The following KALRN variants were observed in gnomAD, a reference collection of about 807,000 sequenced individuals.
The protein encoded by KALRN is kalirin.
Under a neutral mutation model 353.7 loss-of-function variants are expected in KALRN, and 70 were observed. The ratio of observed to expected loss-of-function variants is 0.20; its 90% CI spans 0.16 to 0.24. The LOEUF is 0.24. KALRN is among the 10% of genes least tolerant of loss of function. The pLI is 1.00. For synonymous variants in KALRN, 1,391 were observed against 1,434.8 expected (o/e 0.97, Z 0.69); for missense variants, 2,791 against 3,756.7 (o/e 0.74, Z 6.72).
intron 33 of KALRN, among the ~76,000 whole-genome samples, chr3:124,508,700 G>A (rs6798272): frequency 0.37 from 56,820 of 151,982 alleles, 10,875 homozygotes; most frequent in South Asian, 0.48. Flanking sequence ...TAGGATGTGT[G>A]TGTATATTTT....
intron 1 of KALRN, among the ~76,000 whole-genome samples, chr3:124,140,231 G>A (rs188330040): frequency 3.2e-4 from 49 of 152,262 alleles, no homozygotes; most frequent in Non-Finnish European, 5.9e-5. Flanking sequence ...GCTCCCCCAG[G>A]CATCTGATAA....
intron 1 of KALRN, among the ~76,000 whole-genome samples, chr3:124,202,260 T>C (rs561398213): frequency 6.6e-6 from 1 of 152,308 alleles, no homozygotes; most frequent in East Asian, 1.9e-4. Flanking sequence ...TTGTTTGTTT[T>C]GTTTTTTTGA....
chr3:124,247,977 A>G (rs1397262501), intron 3 of KALRN, among the ~76,000 whole-genome samples: 3 of 152,230 alleles, frequency 2.0e-5, no homozygotes, highest in East Asian at 3.8e-4. Flanking sequence ...TTTGTTCTCA[A>G]AAGTCCAGCA....
intron 3 of KALRN, among the ~76,000 whole-genome samples, chr3:124,254,953 T>TA (rs71625751): frequency 0.38 from 52,402 of 137,740 alleles, 10,346 homozygotes; most frequent in East Asian, 0.68. Flanking sequence ...TATATATATA[T>TA]TTTTTTTTTG....
At chr3:124,247,679 A>G (rs2070506277) in intron 3 of KALRN, among the ~76,000 whole-genome samples, 2 of 152,212 alleles carry the variant, frequency 1.3e-5, no homozygotes, top group African/African-American at 4.8e-5. Flanking sequence ...TTCATCAGCC[A>G]CAAACATTGA....
chr3:124,300,886 T>C (rs2077213949), intron 6 of KALRN, among the ~76,000 whole-genome samples: 1 of 152,230 alleles, frequency 6.6e-6, no homozygotes, highest in African/African-American at 2.4e-5. Context: ...TGGTCTCCTG[T>C]AGATATTTCT....
At chr3:124,136,997 T>TTC (rs2066002483) in intron 1 of KALRN, among the ~76,000 whole-genome samples, 1 of 152,052 alleles carries the variant, frequency 6.6e-6, no homozygotes, top group Non-Finnish European at 1.5e-5. Flanking sequence ...GCAGAGCAGC[T>TTC]GTGAGAGTTT....
intron 10 of KALRN, among the ~76,000 whole-genome samples, chr3:124,377,080 G>T (rs79280076): frequency 0.015 from 2,323 of 152,248 alleles, 37 homozygotes; most frequent in African/African-American, 0.043. Flanking sequence ...AAAAGTACTG[G>T]AAGTTATAGT....
At chr3:124,111,766 C>G (rs930679135) in intron 1 of KALRN, among the ~76,000 whole-genome samples, 2 of 151,974 alleles carry the variant, frequency 1.3e-5, no homozygotes, top group Non-Finnish European at 2.9e-5. Context: ...TTGGGATACT[C>G]TGTGTTCAAA....
intron 34 of KALRN, among the ~76,000 whole-genome samples, chr3:124,587,352 G>T (rs2075302152): frequency 6.6e-6 from 1 of 152,234 alleles, no homozygotes; most frequent in Non-Finnish European, 1.5e-5. Context: ...GGTTCCCAAG[G>T]CAAGGGGACT....
chr3:124,701,566 T>G (rs2062342085), intron 56 of KALRN, among the ~76,000 whole-genome samples: 1 of 151,956 alleles, frequency 6.6e-6, no homozygotes, highest in Non-Finnish European at 1.5e-5. Context: ...TTTTGATTTT[T>G]TTGTAGAGAC....
intron 1 of KALRN, among the ~76,000 whole-genome samples, chr3:124,053,055 G>T (rs773408855): frequency 2.6e-5 from 4 of 152,172 alleles, no homozygotes; most frequent in Non-Finnish European, 4.4e-5. Context: ...TATTTTTAAA[G>T]ATATGGGGTC....
chr3:124,712,180 G>C (rs2062922242), intron 57 of KALRN, among the ~76,000 whole-genome samples: 1 of 152,076 alleles, frequency 6.6e-6, no homozygotes. Flanking sequence ...AACACCACCT[G>C]TTCCCCAAAA....
chr3:124,162,795 G>A (rs2070187408), intron 1 of KALRN: 1 of 152,186 alleles, frequency 6.6e-6, no homozygotes, highest in Non-Finnish European at 1.5e-5. Context: ...ACTTCTAAAT[G>A]CCATCTAACG....
intron 3 of KALRN, among the ~76,000 whole-genome samples, chr3:124,253,050 C>T (rs900887497): frequency 3.3e-5 from 5 of 152,218 alleles, no homozygotes; most frequent in African/African-American, 9.6e-5. Flanking sequence ...GTCTTTAACA[C>T]TTTTCTTTAA....
Position 124,725,761 on chromosome 3 carries a change from T to A in KALRN, c.*6291T>A, listed in dbSNP as rs1166622313. Reference sequence around the variant, plus strand: ...CTTATAACTATCTTTACATTTGAACTATTAATAGTTGATTTGCAAACTGTA... The same window carrying A: ...CTTATAACTATCTTTACATTTGAACAATTAATAGTTGATTTGCAAACTGTA... On this transcript the variant is annotated 3_prime_UTR_variant, in exon 60 of 60. Coordinates refer to ENST00000682506, the MANE Select transcript of KALRN (RefSeq NM_001388419.1). The A allele has an allele frequency of 6.6e-6, 1 of 152,234 alleles. No homozygotes were observed. The highest frequency in any genetic ancestry group is 6.5e-5 in the Admixed American group (1 of 15,286). 9.4% of individuals were successfully genotyped at this position (152,234 alleles called of 1,614,324 possible).
At chr3:124,350,664 C>G (rs1198645850) in intron 10 of KALRN, among the ~76,000 whole-genome samples, 1 of 152,170 alleles carries the variant, frequency 6.6e-6, no homozygotes, top group African/African-American at 2.4e-5. Context: ...TATTGACATC[C>G]ATTACAACTT....
intron 34 of KALRN, among the ~76,000 whole-genome samples, chr3:124,589,621 A>G (rs2075570776): frequency 6.6e-6 from 1 of 152,198 alleles, no homozygotes; most frequent in Non-Finnish European, 1.5e-5. Context: ...AAAATTCACC[A>G]TCCAGGGGAT....
At chr3:124,667,234 C>T (rs780221319) in intron 47 of KALRN, 51 bp downstream of exon 47, 87 of 1,521,734 alleles carry the variant, frequency 5.7e-5, no homozygotes, top group Non-Finnish European at 7.5e-5. Flanking sequence ...GACTCCACGA[C>T]CTCTGAGCTT....
Sources: gnomAD v4.1 joint callset for allele counts (sites outside exome capture counted in the v4.1 genomes callset) on GRCh38, gnomAD v4.1.1 for gene constraint, MANE v1.5 for transcripts, NCBI Gene and HGNC (gene_info 2026-07-23, HGNC 2026-07-21) for gene names.